Variants in PI4KA observed in about 807,000 individuals in gnomAD.
The protein encoded by PI4KA is PI4-kinase alpha.
A neutral mutation model predicts 271.4 loss-of-function variants in PI4KA; 122 were observed. The observed-to-expected ratio is 0.45, with a 90% CI of 0.39 to 0.52. The LOEUF is 0.52. PI4KA is among the 20% of genes least tolerant of loss of function. The pLI, the probability that PI4KA is intolerant of heterozygous loss-of-function variation, is 0.00. For synonymous variants in PI4KA, 1,041 were observed against 1,078.8 expected (o/e 0.96, Z 0.69); for missense variants, 1,969 against 2,769.1 (o/e 0.71, Z 6.48).
In PI4KA at chr22:20,742,591, G is replaced by A. The variant is rs758628022; in HGVS notation, c.3613+17C>T. On this transcript the variant is annotated intron_variant, in intron 31 of 54. Coordinates refer to ENST00000255882, the MANE Select transcript of PI4KA (RefSeq NM_058004.4). ...TTAGAAACGAGCCCAGAATTCCACA[G>A]TGCTTCAGTGAGTTACCTTTACTGC... 4 of 1,613,754 alleles carry A rather than the reference G, an allele frequency of 2.5e-6. No individual in the cohort carries two copies. In the Admixed American group the frequency reaches 6.7e-5, roughly 27 times the overall value.
At chr22:20,750,051 G>T in intron 27 of PI4KA, 57 bp from the exon 28 acceptor site, 1 of 1,114,030 alleles carries the variant, frequency 9.0e-7, no homozygotes, top group Non-Finnish European at 1.4e-6. Context: ...CTGAGCTGCC[G>T]TAGTGACTGT....
At chr22:20,846,835 C>CAAAA (rs361933) in intron 1 of PI4KA, among the ~76,000 whole-genome samples, 3 of 61,736 alleles carry the variant, frequency 4.9e-5, no homozygotes, top group Non-Finnish European at 8.4e-5. Context: ...AGTGCAGGCT[C>CAAAA]AAAAAAAAAA....
intron 50 of PI4KA, 151 bp downstream of exon 50, chr22:20,712,335 G>A: frequency 6.5e-7 from 1 of 1,541,792 alleles, no homozygotes; most frequent in Non-Finnish European, 8.7e-7. Flanking sequence ...GATTACAGGT[G>A]TGAGCCACCG....
chr22:20,796,586 C>A (rs1935000551), intron 17 of PI4KA, among the ~76,000 whole-genome samples: 1 of 152,262 alleles, frequency 6.6e-6, no homozygotes. Context: ...AAGTTCTAGG[C>A]ATCTGCAACA....
chr22:20,850,048 G>A (rs1926764699), intron 1 of PI4KA, among the ~76,000 whole-genome samples: 1 of 152,168 alleles, frequency 6.6e-6, no homozygotes, highest in African/African-American at 2.4e-5. Flanking sequence ...AATTGATCAT[G>A]GTGATGGATG....
chr22:20,788,541 C>T (rs1934422853), intron 19 of PI4KA, among the ~76,000 whole-genome samples: 1 of 152,352 alleles, frequency 6.6e-6, no homozygotes, highest in Non-Finnish European at 1.5e-5. Flanking sequence ...AATCCACACC[C>T]AGGCAGGGGG....
chr22:20,734,082 C>T lies in PI4KA; in HGVS notation c.4013G>A (p.Ser1338Asn). ...GATGGCCGCCACGTGCCGGTTCATG[C>T]TCCCCTTGGCCCCGCCGATGTTCAG... ...MSLNIGGAKGSMNRHVAAIGP... is the reference protein window; with the variant it reads ...MSLNIGGAKGNMNRHVAAIGP... The change falls in exon 34 of 55, where the codon AGC becomes AAC. Residue 1338 changes from serine (S) to asparagine (N), a missense_variant. Physicochemically the swap from Ser to Asn is conservative, Grantham distance 46. This residue lies in a region of PI4KA where 72 missense variants were observed against 103.1 expected (regional missense o/e 0.70). Coordinates refer to ENST00000255882, the MANE Select transcript of PI4KA (RefSeq NM_058004.4). 6 of 1,606,158 alleles carry T rather than the reference C, an allele frequency of 3.7e-6. No homozygotes were observed. Among genetic ancestry groups the T allele is most frequent in the South Asian group, 1.1e-5 (1 of 90,066 alleles).
Position 20,733,832 on chromosome 22 carries a change from A to G in PI4KA, c.4064T>C (p.Leu1355Pro), listed in dbSNP as rs1454118841. The change falls in exon 35 of 55, where the codon CTG becomes CCG. Residue 1355 changes from leucine (L) to proline (P), a missense_variant. Physicochemically the swap from Leu to Pro is moderately conservative, Grantham distance 98 (BLOSUM62 -3). This residue lies in a region of PI4KA where 72 missense variants were observed against 103.1 expected (regional missense o/e 0.70). Transcript: ENST00000255882. Reference protein sequence around the residue: ...AIGPRFKLLTLGLSLLHADVV... With the variant: ...AIGPRFKLLTPGLSLLHADVV... ...ATCGGCATGCAGGAGGGACAGCCCCAGGGTCAGCAGCCTGTGAGGGAGCCC... is the reference window on the plus strand; with the variant it reads ...ATCGGCATGCAGGAGGGACAGCCCCGGGGTCAGCAGCCTGTGAGGGAGCCC... 1 of 1,612,028 alleles carries G rather than the reference A, an allele frequency of 6.2e-7. No homozygotes were observed. The highest frequency in any genetic ancestry group is 8.5e-7 in the Non-Finnish European group (1 of 1,179,874).
chr22:20,819,686 C>T lies in PI4KA; in HGVS notation c.744G>A (p.Glu248=), dbSNP rs1429021198. 2.5e-6 allele frequency: 4 copies of T among 1,614,024 alleles called. No homozygotes were observed. Among genetic ancestry groups the T allele is most frequent in the Non-Finnish European group, 3.4e-6 (4 of 1,179,956 alleles). Residue 248 remains glutamate (E), a synonymous_variant, in exon 6 of 55, where the codon GAG becomes GAA. Coordinates refer to ENST00000255882, the MANE Select transcript of PI4KA (RefSeq NM_058004.4). ...TGCTGGTTTTCCTCTTCAGGGTACCCTCCTGACAGACAGTCAGCAGATTGC... is the reference window on the plus strand; with the variant it reads ...TGCTGGTTTTCCTCTTCAGGGTACCTTCCTGACAGACAGTCAGCAGATTGC... ...LPSNLLTVCQ[E]GTLKRKTSSV...
At chr22:20,801,747 G>A (rs905570332) in intron 14 of PI4KA, among the ~76,000 whole-genome samples, 1 of 151,370 alleles carries the variant, frequency 6.6e-6, no homozygotes, top group Non-Finnish European at 1.5e-5. Context: ...AGCTGGGCGT[G>A]GTGGTGGGCG....
intron 19 of PI4KA, among the ~76,000 whole-genome samples, chr22:20,790,238 C>T (rs1355449722): frequency 6.6e-6 from 1 of 152,166 alleles, no homozygotes; most frequent in Non-Finnish European, 1.5e-5. Flanking sequence ...TGCATTAGGG[C>T]CAAAACCCAG....
Position 20,769,594 on chromosome 22 carries a change from AG to A in PI4KA, c.2329-3902del, listed in dbSNP as rs1377721152. Among the ~76,000 whole-genome samples the A allele has an allele frequency of 2.0e-5, 3 of 151,386 alleles. No individual in the cohort carries two copies. The Admixed American group carries it at 2.0e-4, about 10-fold the overall frequency. On this transcript the variant is annotated intron_variant, in intron 19 of 54. Transcript: ENST00000255882. ...TGAAGCAGGAGAATCGCTTGAAACC[AG>A]GAGGCCGAGGTTGCAGTGAGCCAAG...
chr22:20,713,399 A>T lies in PI4KA; in HGVS notation c.5462-9T>A, dbSNP rs1438593264. The T allele has an allele frequency of 3.8e-6, 6 of 1,561,078 alleles. No individual in the cohort carries two copies. Among genetic ancestry groups the T allele is most frequent in the Non-Finnish European group, 5.2e-6 (6 of 1,150,484 alleles). On this transcript the variant is annotated splice_polypyrimidine_tract_variant and intron_variant, in intron 47 of 54. Coordinates refer to ENST00000255882, the MANE Select transcript of PI4KA (RefSeq NM_058004.4). ...TGAGCGGCACCGCAGACCTGCCCGC[A>T]GGGAGAGAGGCCGCTGTTAGCCTGT...
intron 2 of PI4KA, among the ~76,000 whole-genome samples, chr22:20,837,651 T>C (rs990411631): frequency 6.6e-6 from 1 of 152,138 alleles, no homozygotes; most frequent in African/African-American, 2.4e-5. Context: ...AATTTAGAAA[T>C]AGTATCTAGT....
intron 10 of PI4KA, among the ~76,000 whole-genome samples, chr22:20,806,790 G>A (rs1935678756): frequency 1.3e-5 from 2 of 151,890 alleles, no homozygotes; most frequent in South Asian, 4.2e-4. Context: ...GAGTGCAGTG[G>A]CACGATCTGG....
chr22:20,845,070 TAC>T (rs1427117180), intron 1 of PI4KA, among the ~76,000 whole-genome samples: 1 of 152,156 alleles, frequency 6.6e-6, no homozygotes, highest in African/African-American at 2.4e-5. Flanking sequence ...AGAGGGCTTC[TAC>T]CCACCACTTT....
chr22:20,789,696 T>C (rs1048896293), intron 19 of PI4KA, among the ~76,000 whole-genome samples: 1 of 152,200 alleles, frequency 6.6e-6, no homozygotes, highest in Non-Finnish European at 1.5e-5. Context: ...TTATTCTCAA[T>C]CTAAGAGAGT....
At chr22:20,748,412 T>A (rs2147314208) in intron 28 of PI4KA, among the ~76,000 whole-genome samples, 1 of 152,342 alleles carries the variant, frequency 6.6e-6, no homozygotes, top group African/African-American at 2.4e-5. Flanking sequence ...AGCAGCCTGG[T>A]GTGGGTGAAC....
Position 20,799,202 on chromosome 22 carries a change from T to TTCG in PI4KA, c.1892_1894dup (p.Pro631_Lys632insThr). The TTCG allele has an allele frequency of 6.3e-7, 1 of 1,593,236 alleles. No individual in the cohort carries two copies. The highest frequency in any genetic ancestry group is 1.1e-5 in the South Asian group (1 of 87,314). On this transcript the variant is annotated inframe_insertion, in exon 16 of 55. Transcript: ENST00000255882. Reference sequence around the variant, plus strand: ...GATCTGCAGAATGGGCTCCATGACCTTCGGGGTGTCCCTCAAGGCCACCGC... The same window carrying TTCG: ...GATCTGCAGAATGGGCTCCATGACCTTCGTCGGGGTGTCCCTCAAGGCCACCGC...
Sources: gnomAD v4.1 joint callset for allele counts (sites outside exome capture counted in the v4.1 genomes callset) on GRCh38, gnomAD v4.1.1 for gene constraint, gnomAD v4.1.1 regional missense constraint, MANE v1.5 for transcripts, NCBI Gene and HGNC (gene_info 2026-07-23, HGNC 2026-07-21) for gene names.